ZNF142: variants seen among roughly 807,000 people sequenced by gnomAD.
ZNF142 encodes the protein zinc finger protein 142, also known as zinc finger protein 142 (clone pHZ-49).
A neutral mutation model predicts 132.1 loss-of-function variants in ZNF142; 96 were observed. The observed-to-expected ratio is 0.73, with a 90% CI of 0.62 to 0.86. ZNF142 has a LOEUF of 0.86. ZNF142 is among the 40% of genes least tolerant of loss of function. ZNF142 has a pLI of 0.00. For synonymous variants in ZNF142, 842 were observed against 890.1 expected, an observed-to-expected ratio of 0.95 and a Z score of 0.96; for missense variants, 2,163 against 2,336.2, an observed-to-expected ratio of 0.93 and a Z score of 1.53.
At position 218,645,044 on chromosome 2, in the gene ZNF142, G is replaced by C. The variant is rs767179368; in HGVS notation, c.2072C>G (p.Ser691Cys). 1.2e-5 allele frequency: 19 copies of C among 1,612,250 alleles called. No homozygotes were observed. The Admixed American group carries it at 3.0e-4, about 25-fold the overall frequency. Reference protein sequence around the residue: ...GDLRYQCNQCSYRCHRADQLS... With the variant: ...GDLRYQCNQCCYRCHRADQLS... ...CTGATCAGCCCGGTGACAGCGATAG[G>C]AGCACTGGTTGCACTGATACCTGGC... Residue 691 changes from serine (S) to cysteine (C), a missense_variant, in exon 9 of 11, where the codon TCC (serine) becomes TGC (cysteine). By Grantham distance (112) the Ser-to-Cys change is moderately radical. This residue lies in a region of ZNF142 where 749 missense variants were observed against 830.3 expected (regional missense o/e 0.90). Transcript: ENST00000411696.
At chr2:218,650,174 C>T (rs1223057579) in intron 6 of ZNF142, among the ~76,000 whole-genome samples, 185 bp downstream of exon 6, 1 of 152,244 alleles carries the variant, frequency 6.6e-6, no homozygotes, top group African/African-American at 2.4e-5. Context: ...TGCTATATTA[C>T]TAAAGTCTTT....
Position 218,636,308 on chromosome 2 carries a change from C to T in ZNF142, c.*2031G>A, listed in dbSNP as rs574560418. On this transcript the variant is annotated 3_prime_UTR_variant, in exon 11 of 11. Coordinates refer to ENST00000411696, the MANE Select transcript of ZNF142 (RefSeq NM_001379659.1). ...GCTGGTGCCTGAACTTGCCATGCTG[C>T]GTTTTGTGGTAATGGATTATGACTG... 2.4e-5 allele frequency: 38 copies of T among 1,613,886 alleles called. No individual in the cohort carries two copies. Among genetic ancestry groups the T allele is most frequent in the South Asian group, 1.3e-4 (12 of 91,086 alleles).
intron 8 of ZNF142, among the ~76,000 whole-genome samples, chr2:218,645,669 T>C (rs538573509): frequency 3.3e-5 from 5 of 152,196 alleles, no homozygotes; most frequent in African/African-American, 4.8e-5. Context: ...GAGTGCTCGC[T>C]ATGTGACTGA....
At position 218,640,742 on chromosome 2, in the gene ZNF142, G is replaced by A. The variant is rs72962069; in HGVS notation, c.5116C>T (p.Arg1706Trp). ...CCACACTCAGGGCACAGGTACTTCC[G>A]TTCCTCCTTGTGGATCCGCATGTGG... ...KYHMRIHKEE[R>W]KYLCPECGYK... Residue 1706 changes from arginine (R) to tryptophan (W), a missense_variant, in exon 10 of 11, where the codon CGG becomes TGG. Arg to Trp is a moderately radical substitution (Grantham distance 101, BLOSUM62 -3). Around this residue, in one of 7 missense-constraint regions of ZNF142, gnomAD observed 325 missense variants for 367.8 expected, o/e 0.88. Transcript: ENST00000411696. 3.0e-3 allele frequency: 4,917 copies of A among 1,614,130 alleles called. 15 individuals carry two copies. Among genetic ancestry groups the A allele is most frequent in the Non-Finnish European group, 3.8e-3 (4,513 of 1,180,022 alleles).
Position 218,638,320 on chromosome 2 carries a change from C to G in ZNF142, c.*19G>C. The G allele has an allele frequency of 6.7e-7, 1 of 1,501,990 alleles. No homozygotes were observed. The highest frequency in any genetic ancestry group is 1.4e-5 in the South Asian group (1 of 73,246). 93.0% of individuals were successfully genotyped at this position (1,501,990 alleles called of 1,614,324 possible). On this transcript the variant is annotated 3_prime_UTR_variant, in exon 11 of 11. Coordinates refer to ENST00000411696, the MANE Select transcript of ZNF142 (RefSeq NM_001379659.1). Reference sequence around the variant, plus strand: ...TCTCAGACCATACCCTCTTCCTATACAGGAGGTGGGGCAGGCTTTCAGCCC... The same window carrying G: ...TCTCAGACCATACCCTCTTCCTATAGAGGAGGTGGGGCAGGCTTTCAGCCC...
Position 218,644,746 on chromosome 2 carries a change from G to C in ZNF142, c.2370C>G (p.Phe790Leu), listed in dbSNP as rs372867499. ...YRTFSNTTLL[F>L]HKRKAHGYVP... is the part of the protein sequence containing the mutation. Reference sequence around the variant, plus strand: ...CATAGCCATGGGCCTTGCGTTTATGGAACAAGAGTGTGGTGTTGCTGAAGG... The same window carrying C: ...CATAGCCATGGGCCTTGCGTTTATGCAACAAGAGTGTGGTGTTGCTGAAGG... Residue 790 changes from phenylalanine (F) to leucine (L), a missense_variant, in exon 9 of 11, where the codon TTC becomes TTG. Physicochemically the swap from Phe to Leu is conservative, Grantham distance 22 (BLOSUM62 0). Transcript: ENST00000411696. The surrounding 1 kb of genome is among the most constrained non-coding windows in gnomAD (Gnocchi z 4.6). 3.1e-6 allele frequency: 5 copies of C among 1,614,126 alleles called. No homozygotes were observed. In the South Asian group the frequency reaches 4.4e-5, roughly 14 times the overall value.
intron 7 of ZNF142, among the ~76,000 whole-genome samples, chr2:218,648,149 T>A (rs1937617787): frequency 6.6e-6 from 1 of 152,184 alleles, no homozygotes; most frequent in African/African-American, 2.4e-5. Flanking sequence ...CAGTTACGAG[T>A]GCGAGTTAAA....
At chr2:218,641,900 G>T in intron 9 of ZNF142, 128 bp downstream of exon 9, 2 of 1,198,530 alleles carry the variant, frequency 1.7e-6, no homozygotes, top group Non-Finnish European at 2.3e-6. Flanking sequence ...AGAATCTGAG[G>T]CTTGGTAAAG....
In ZNF142 at chr2:218,644,191, A is replaced by C. The variant is rs754214641; in HGVS notation, c.2925T>G (p.Ala975=). The change falls in exon 9 of 11, where the codon GCT becomes GCG. Residue 975 remains alanine, a synonymous_variant. Coordinates refer to ENST00000411696, the MANE Select transcript of ZNF142 (RefSeq NM_001379659.1). This position sits in a 1 kb window ranked among gnomAD's most constrained non-coding sequence, Gnocchi z 4.6. ...TGAAGGTTCCTACCCAGTTGTTAGGAGCCTCCTCTAAGGATGGAGGATTTG... is the reference window on the plus strand; with the variant it reads ...TGAAGGTTCCTACCCAGTTGTTAGGCGCCTCCTCTAAGGATGGAGGATTTG... ...PSTNPPSLEE[A]PNNWVGTFKT... is the part of the protein sequence containing the mutation. 1 of 1,614,032 alleles carries C rather than the reference A, an allele frequency of 6.2e-7. No individual in the cohort carries two copies. The highest frequency in any genetic ancestry group is 2.2e-5 in the East Asian group (1 of 44,870).
At chr2:218,651,653 C>T (rs777771270) in intron 5 of ZNF142, 48 bp downstream of exon 5, 154 of 1,225,770 alleles carry the variant, frequency 1.3e-4, no homozygotes, top group Non-Finnish European at 1.6e-4. Flanking sequence ...ATAAGATCAA[C>T]TGTGGCTGAA....
rs912090978 is a variant in ZNF142 at position 218,648,932 on chromosome 2, G to A, written c.1576C>T (p.Leu526Phe). The A allele has an allele frequency of 6.2e-7, 1 of 1,613,438 alleles. No homozygotes were observed. The highest frequency in any genetic ancestry group is 8.5e-7 in the Non-Finnish European group (1 of 1,180,052). ...VECRHHSCPMLFATAEAMEAH... is the reference protein window; with the variant it reads ...VECRHHSCPMFFATAEAMEAH... ...TCCATGGCTTCGGCTGTGGCAAAGA[G>A]CATGGGACATGAGTGATGGCGGCAC... Residue 526 changes from leucine (L) to phenylalanine (F), a missense_variant, in exon 7 of 11, where the codon CTC (leucine) becomes TTC (phenylalanine). Around this residue, in one of 7 missense-constraint regions of ZNF142, gnomAD observed 749 missense variants for 830.3 expected, o/e 0.90. Transcript: ENST00000411696.
Position 218,633,881 on chromosome 2 carries a change from GA to G in ZNF142, c.*4457del. 1 of 1,291,868 alleles carries G rather than the reference GA, an allele frequency of 7.7e-7. No individual in the cohort carries two copies. Among genetic ancestry groups the G allele is most frequent in the Non-Finnish European group, 1.1e-6 (1 of 921,424 alleles). 80.0% of individuals were successfully genotyped at this position (1,291,868 alleles called of 1,614,324 possible). On this transcript the variant is annotated 3_prime_UTR_variant, in exon 11 of 11. Coordinates refer to ENST00000411696, the MANE Select transcript of ZNF142 (RefSeq NM_001379659.1). ...AGCTAAGGAGAGATGAAGGAGTTCAGAAACTCCTTAGAGCAGACAAGGGCAG... is the reference window on the plus strand; with the variant it reads ...AGCTAAGGAGAGATGAAGGAGTTCAGAACTCCTTAGAGCAGACAAGGGCAG...
Position 218,642,102 on chromosome 2 carries a change from G to C in ZNF142, c.5014C>G (p.Arg1672Gly). The change falls in exon 9 of 11, where the codon CGC (arginine) becomes GGC (glycine). Residue 1672 changes from arginine (R) to glycine (G), a missense_variant. Coordinates refer to ENST00000411696, the MANE Select transcript of ZNF142 (RefSeq NM_001379659.1). This position sits in a 1 kb window ranked among gnomAD's most constrained non-coding sequence, Gnocchi z 4.6. ...TAAGGCTTTTCCCCAGTGTGGATGC[G>C]GCTGTGCCAGGTGATCTTCTGTCGG... ...KNRQKITWHS[R>G]IHTGEKPYHC... The C allele has an allele frequency of 6.2e-7, 1 of 1,614,192 alleles. No individual in the cohort carries two copies. Among genetic ancestry groups the C allele is most frequent in the South Asian group, 1.1e-5 (1 of 91,086 alleles).
Position 218,642,726 on chromosome 2 carries a change from A to G in ZNF142, c.4390T>C (p.Tyr1464His). 6.2e-7 allele frequency: 1 copy of G among 1,614,190 alleles called. No individual in the cohort carries two copies. Among genetic ancestry groups the G allele is most frequent in the Non-Finnish European group, 8.5e-7 (1 of 1,180,038 alleles). Residue 1464 changes from tyrosine (Y) to histidine (H), a missense_variant, in exon 9 of 11, where the codon TAT becomes CAT. Physicochemically the swap from Tyr to His is moderately conservative, Grantham distance 83 (BLOSUM62 2). Transcript: ENST00000411696. This position sits in a 1 kb window ranked among gnomAD's most constrained non-coding sequence, Gnocchi z 4.6. ...TPTHFCPLCDYSGYLRHDITR... is the reference protein window; with the variant it reads ...TPTHFCPLCDHSGYLRHDITR... Reference sequence around the variant, plus strand: ...ATGTCATGGCGAAGGTAGCCACTATAGTCACAAAGTGGACAGAAGTGGGTA... The same window carrying G: ...ATGTCATGGCGAAGGTAGCCACTATGGTCACAAAGTGGACAGAAGTGGGTA...
Position 218,644,612 on chromosome 2 carries a change from G to A in ZNF142, c.2504C>T (p.Ala835Val), listed in dbSNP as rs948528895. 1.2e-6 allele frequency: 2 copies of A among 1,614,232 alleles called. No homozygotes were observed. The highest frequency in any genetic ancestry group is 1.1e-5 in the South Asian group (1 of 91,088). ...PDSEPSNQLSARPEGPGHEPG... is the reference protein window; with the variant it reads ...PDSEPSNQLSVRPEGPGHEPG... ...TTCGTGACCTGGCCCCTCAGGTCGG[G>A]CTGACAGCTGGTTTGAGGGCTCTGA... Residue 835 changes from alanine to valine, a missense_variant, in exon 9 of 11, where the codon GCC becomes GTC. Physicochemically the swap from Ala to Val is moderately conservative, Grantham distance 64. Coordinates refer to ENST00000411696, the MANE Select transcript of ZNF142 (RefSeq NM_001379659.1). This position sits in a 1 kb window ranked among gnomAD's most constrained non-coding sequence, Gnocchi z 4.6.
rs1433859396 is a variant in ZNF142 at position 218,651,215 on chromosome 2, C to T, written c.880+486G>A. On this transcript the variant is annotated intron_variant, in intron 5 of 10. Coordinates refer to ENST00000411696, the MANE Select transcript of ZNF142 (RefSeq NM_001379659.1). Reference sequence around the variant, plus strand: ...CAGGCTGGTCTTGAACTCCTGGGCTCAAGGGATCCATCCACCTTGGCCTCT... The same window carrying T: ...CAGGCTGGTCTTGAACTCCTGGGCTTAAGGGATCCATCCACCTTGGCCTCT... Among the ~76,000 whole-genome samples the T allele has an allele frequency of 2.6e-5, 4 of 152,148 alleles. No homozygotes were observed. The East Asian group carries it at 7.7e-4, about 29-fold the overall frequency.
At position 218,634,115 on chromosome 2, in the gene ZNF142, T is replaced by C. The variant is rs372513856; in HGVS notation, c.*4224A>G. 40 of 1,610,526 alleles carry C rather than the reference T, an allele frequency of 2.5e-5. No individual in the cohort carries two copies. In the African/African-American group the frequency reaches 4.7e-4, roughly 19 times the overall value. ...TATACCCTTTTACAGGCAATGAGTTTGTGCAGCACAATACTTGGCAGTTAA... is the reference window on the plus strand; with the variant it reads ...TATACCCTTTTACAGGCAATGAGTTCGTGCAGCACAATACTTGGCAGTTAA... On this transcript the variant is annotated 3_prime_UTR_variant, in exon 11 of 11. Transcript: ENST00000411696. This position sits in a 1 kb window ranked among gnomAD's most constrained non-coding sequence, Gnocchi z 4.0.
At chr2:218,640,961 G>T (rs1211677546) in intron 9 of ZNF142, among the ~76,000 whole-genome samples, 192 bp from the exon 10 acceptor site, 2 of 149,096 alleles carry the variant, frequency 1.3e-5, no homozygotes. Flanking sequence ...AAGAGACAGG[G>T]TCTCACTCTG....
Position 218,634,188 on chromosome 2 carries a change from C to T in ZNF142, c.*4151G>A. On this transcript the variant is annotated 3_prime_UTR_variant, in exon 11 of 11. Coordinates refer to ENST00000411696, the MANE Select transcript of ZNF142 (RefSeq NM_001379659.1). The surrounding 1 kb of genome is among the most constrained non-coding windows in gnomAD (Gnocchi z 4.0). ...GAGGACAGACTCTTCCAACTACAAC[C>T]CCCAGGAACTCTGGAATGCAGGCTG... 1.2e-6 allele frequency: 2 copies of T among 1,611,918 alleles called. No homozygotes were observed. The highest frequency in any genetic ancestry group is 1.7e-6 in the Non-Finnish European group (2 of 1,179,010).
Sources: gnomAD v4.1 joint callset for allele counts (sites outside exome capture counted in the v4.1 genomes callset) on GRCh38, gnomAD v4.1.1 for gene constraint, gnomAD v4.1.1 regional missense constraint, Gnocchi (gnomAD v3.1) non-coding constraint, MANE v1.5 for transcripts, NCBI Gene and HGNC (gene_info 2026-07-23, HGNC 2026-07-21) for gene names.